The following STXBP2 variants were observed in gnomAD, a reference collection of about 807,000 sequenced individuals.
STXBP2 encodes syntaxin-binding protein 2.
A neutral mutation model predicts 72.2 loss-of-function variants in STXBP2; 47 were observed. That is an observed-to-expected ratio of 0.65 (90% CI 0.51 to 0.83). STXBP2 has a LOEUF of 0.83. Among genes scored for constraint, STXBP2 ranks in the 40% least tolerant of loss-of-function variants. The pLI is 0.00. For synonymous variants in STXBP2, 367 were observed against 338.7 expected (o/e 1.08, Z -0.92); for missense variants, 702 against 807.6 (o/e 0.87, Z 1.58).
At chr19:7,646,910 C>T in intron 16 of STXBP2, 1 of 583,446 alleles carries the variant, frequency 1.7e-6, no homozygotes, top group East Asian at 2.8e-5. Context: ...TGCCGAGGAA[C>T]TGTGGGTTTA....
upstream of STXBP2, among the ~76,000 whole-genome samples, chr19:7,634,110 A>G (rs2031442288): frequency 6.6e-6 from 1 of 152,060 alleles, no homozygotes; most frequent in South Asian, 2.1e-4. Context: ...TCCTGTTCCC[A>G]CACCACCTAA....
chr19:7,631,512 C>T, the STXBP2 span: 14 of 1,536,036 alleles, frequency 9.1e-6, no homozygotes, highest in African/African-American at 1.4e-5. Flanking sequence ...GTTACGGAAG[C>T]GGCGGGAGGA....
chr19:7,640,894 C>T lies in STXBP2; in HGVS notation c.326-6C>T, dbSNP rs1447209996. On this transcript the variant is annotated splice_polypyrimidine_tract_variant and splice_region_variant and intron_variant, in intron 5 of 18. Transcript: ENST00000221283. ...GGCCTGATGCCCCACTCCTGCCTCA[C>T]CCCAGCCTGCCCCGAGCCCCTGTTC... The T allele has an allele frequency of 1.2e-6, 2 of 1,614,072 alleles. No homozygotes were observed. Among genetic ancestry groups the T allele is most frequent in the East Asian group, 2.2e-5 (1 of 44,902 alleles).
In STXBP2 at chr19:7,642,568, C is replaced by CG. The variant is rs753360209; in HGVS notation, c.902+32_902+33insG. The stretch of plus-strand genomic sequence containing the variant: ...GCACACGGGGACCGGATCCCCCCCC[C>CG]ACCGCCCACTGTGGGCCTGGTAGCG... On this transcript the variant is annotated intron_variant, in intron 10 of 18. Transcript: ENST00000221283. The surrounding 1 kb of genome is among the most constrained non-coding windows in gnomAD (Gnocchi z 6.0). 1.9e-6 allele frequency: 3 copies of CG among 1,607,500 alleles called. No individual in the cohort carries two copies. The highest frequency in any genetic ancestry group is 1.7e-5 in the Admixed American group (1 of 60,004).
chr19:7,638,419 T>C (rs1358991560), intron 1 of STXBP2, among the ~76,000 whole-genome samples: 2 of 152,020 alleles, frequency 1.3e-5, no homozygotes, highest in African/African-American at 2.4e-5. Flanking sequence ...TTGGGCAACA[T>C]AGCGAGACCC....
Position 7,646,387 on chromosome 19 carries a change from G to GGCTGGC in STXBP2, c.1452+45_1452+50dup, listed in dbSNP as rs1218667324. ...AGGGTGGGGGCCAGCCCTCCGCATC[G>GGCTGGC]GCTGGCGGCTCAGCCTCCCTCCTGC... On this transcript the variant is annotated intron_variant, in intron 16 of 18. Transcript: ENST00000221283. The GGCTGGC allele has an allele frequency of 5.8e-6, 9 of 1,545,122 alleles. No individual in the cohort carries two copies. The African/African-American group carries it at 1.1e-4, about 19-fold the overall frequency.
chr19:7,635,595 C>T (rs2031495965), upstream of STXBP2, among the ~76,000 whole-genome samples: 1 of 152,070 alleles, frequency 6.6e-6, no homozygotes, highest in Non-Finnish European at 1.5e-5. Context: ...ACTTGGGTGG[C>T]CGAAGTGGAA....
At chr19:7,633,536 G>C (rs558700311), upstream of STXBP2, 2 of 1,410,016 alleles carry the variant, frequency 1.4e-6, no homozygotes, top group Non-Finnish European at 2.0e-6. Flanking sequence ...CGTCCAGGAC[G>C]TGGGGGTGTG....
chr19:7,641,857 G>A lies in STXBP2; in HGVS notation c.578+4G>A, dbSNP rs1205639688. 1 of 1,556,298 alleles carries A rather than the reference G, an allele frequency of 6.4e-7. No individual in the cohort carries two copies. The highest frequency in any genetic ancestry group is 8.7e-7 in the Non-Finnish European group (1 of 1,150,818). The stretch of plus-strand genomic sequence containing the variant: ...ACCCGGCCATCCGCTACCGCAAGTG[G>A]GGACCCCACCCAGCCCCACCCCGAT... On this transcript the variant is annotated splice_donor_region_variant and intron_variant, in intron 7 of 18. Transcript: ENST00000221283.
chr19:7,645,748 G>A (rs1365672355), intron 15 of STXBP2, among the ~76,000 whole-genome samples: 1 of 150,584 alleles, frequency 6.6e-6, no homozygotes, highest in Non-Finnish European at 1.5e-5. Context: ...GGCCCTGTGC[G>A]TCCCCCTCCA....
At chr19:7,645,490 A>G (rs1185811194) in intron 15 of STXBP2, 184 bp downstream of exon 15, 1 of 600,674 alleles carries the variant, frequency 1.7e-6, no homozygotes, top group Non-Finnish European at 3.0e-6. Context: ...GGCCTCTCCC[A>G]GTCCCAGCTT....
the STXBP2 span, chr19:7,629,877 G>A: frequency 6.5e-7 from 1 of 1,528,108 alleles, no homozygotes; most frequent in Non-Finnish European, 8.8e-7. Context: ...GGACACAGGA[G>A]TGGGTTGGGA....
chr19:7,642,715 G>A lies in STXBP2; in HGVS notation c.903-51G>A, dbSNP rs772293427. 6.3e-7 allele frequency: 1 copy of A among 1,597,830 alleles called. No homozygotes were observed. The highest frequency in any genetic ancestry group is 1.3e-5 in the African/African-American group (1 of 74,706). ...TCCCCCCTGAGTGGGCTCACCCATG[G>A]CCTGTGGCTCCTCTCCCCTCACTCT... On this transcript the variant is annotated intron_variant, in intron 10 of 18. Transcript: ENST00000221283. The surrounding 1 kb of genome is among the most constrained non-coding windows in gnomAD (Gnocchi z 6.0).
At chr19:7,631,526 G>T in the STXBP2 span, 11 of 1,536,000 alleles carry the variant, frequency 7.2e-6, no homozygotes, top group Non-Finnish European at 9.6e-6. Context: ...GGGAGGAGAA[G>T]CTCCTTCGCG....
intron 2 of STXBP2, 118 bp downstream of exon 2, chr19:7,638,893 T>G: frequency 1.3e-6 from 2 of 1,561,352 alleles, no homozygotes; most frequent in Non-Finnish European, 1.8e-6. Context: ...GTTGGGTGAA[T>G]GGGTTCTGGG....
At chr19:7,630,999 A>G in the STXBP2 span, 1 of 1,024,182 alleles carries the variant, frequency 9.8e-7, no homozygotes, top group Non-Finnish European at 1.4e-6. Context: ...ACTTGAGGTC[A>G]GGAGTTCAAA....
In STXBP2 at chr19:7,644,982, T is replaced by C; in HGVS notation, c.1247-215T>C. ...GAAACCCTCACATCTGTGATTCCTA[T>C]AGATGTGGGGCTCCCTCAGCTCATC... On this transcript the variant is annotated intron_variant, in intron 14 of 18. Transcript: ENST00000221283. 11 of 1,447,062 alleles carry C rather than the reference T, an allele frequency of 7.6e-6. No homozygotes were observed. The South Asian group carries it at 1.3e-4, about 17-fold the overall frequency. The allele number at this position is 1,447,062 out of a possible 1,614,324, so 89.6% of individuals were successfully genotyped here. A position where few individuals can be genotyped will look rare whatever the true frequency, so the allele number is the denominator to read the frequency against.
chr19:7,638,842 G>C (rs2031674656), intron 2 of STXBP2, 67 bp downstream of exon 2: 3 of 1,607,586 alleles, frequency 1.9e-6, no homozygotes, highest in African/African-American at 2.7e-5. Flanking sequence ...GGAAGACCCT[G>C]AATGTGGGAC....
chr19:7,644,563 C>T, intron 13 of STXBP2, 51 bp from the exon 14 acceptor site: 1 of 1,604,112 alleles, frequency 6.2e-7, no homozygotes, highest in South Asian at 1.1e-5. Context: ...CCTCTCCCAT[C>T]CCCTTCCCTG....
Sources: allele counts gnomAD v4.1 joint callset (sites outside exome capture counted in the v4.1 genomes callset), GRCh38; gene constraint gnomAD v4.1.1; non-coding constraint Gnocchi (gnomAD v3.1); transcripts MANE v1.5; gene names NCBI Gene and HGNC (gene_info 2026-07-23, HGNC 2026-07-21).